Variants in SIPA1L3 observed in about 807,000 individuals in gnomAD.
SIPA1L3 encodes the protein signal induced proliferation associated 1 like 3.
A neutral mutation model predicts 150.1 loss-of-function variants in SIPA1L3; 59 were observed. The observed-to-expected ratio is 0.39, with a 90% CI of 0.32 to 0.49. The LOEUF (loss-of-function observed/expected upper bound fraction) is 0.49. Ranked by LOEUF, SIPA1L3 falls within the 20% of genes least tolerant of loss-of-function variation. The probability of loss-of-function intolerance (pLI) is 0.86; values close to 1 mark genes in which losing one functional copy is unlikely to be tolerated. For missense variants in SIPA1L3, 2,211 were observed against 2,489.5 expected, an observed-to-expected ratio of 0.89 and a Z score of 2.38; for synonymous variants, 1,070 against 1,077.6, an observed-to-expected ratio of 0.99 and a Z score of 0.14.
At position 38,131,341 on chromosome 19, in the gene SIPA1L3, G is replaced by A. The variant is rs984898038; in HGVS notation, c.3143+569G>A. ...ACAAGGCGGGCAGAGAAGGCTCCAC[G>A]AGGCTCCACAGGGAGGCAGCCATGT... is the stretch of plus-strand genomic sequence containing the variant. On this transcript the variant is annotated intron_variant, in intron 10 of 21. Coordinates refer to ENST00000222345, the MANE Select transcript of SIPA1L3 (RefSeq NM_015073.3). Among the ~76,000 whole-genome samples, 5 of 152,312 alleles carry A rather than the reference G, an allele frequency of 3.3e-5. No homozygotes were observed. The East Asian group carries it at 5.8e-4, about 18-fold the overall frequency.
intron 1 of SIPA1L3, among the ~76,000 whole-genome samples, chr19:37,943,553 G>A (rs961280930): frequency 1.3e-5 from 2 of 152,178 alleles, no homozygotes; most frequent in African/African-American, 4.8e-5. Context: ...GGCAGAAAAC[G>A]GGGACTTTCG....
intron 12 of SIPA1L3, among the ~76,000 whole-genome samples, chr19:38,150,427 A>G (rs1177070588): frequency 2.0e-5 from 3 of 151,918 alleles, no homozygotes; most frequent in African/African-American, 4.8e-5. Context: ...CCTCTTTGGC[A>G]TCTTGGGGGA....
chr19:37,945,563 T>C (rs910451839), intron 1 of SIPA1L3, among the ~76,000 whole-genome samples: 1 of 152,036 alleles, frequency 6.6e-6, no homozygotes, highest in African/African-American at 2.4e-5. Context: ...TATACATCTA[T>C]GTGAGTACCG....
chr19:38,072,015 A>C (rs1264237694), intron 2 of SIPA1L3, among the ~76,000 whole-genome samples: 1 of 152,178 alleles, frequency 6.6e-6, no homozygotes, highest in Admixed American at 6.5e-5. Context: ...GGAGCTGGAG[A>C]TGTTTTCCGC....
At chr19:38,040,425 G>T (rs1236173738) in intron 2 of SIPA1L3, among the ~76,000 whole-genome samples, 3 of 151,640 alleles carry the variant, frequency 2.0e-5, no homozygotes, top group Non-Finnish European at 4.4e-5. Flanking sequence ...TCACTGTTAG[G>T]TTTTTTTAAA....
At chr19:38,186,990 A>C (rs2146033915) in intron 16 of SIPA1L3, among the ~76,000 whole-genome samples, 1 of 146,082 alleles carries the variant, frequency 6.8e-6, no homozygotes, top group African/African-American at 2.6e-5. Flanking sequence ...CTGGGCAACA[A>C]GAGCTAAACT....
intron 1 of SIPA1L3, among the ~76,000 whole-genome samples, chr19:37,948,501 G>A (rs1217420464): frequency 6.6e-6 from 1 of 151,994 alleles, no homozygotes; most frequent in African/African-American, 2.4e-5. Context: ...AGAGTGGTTG[G>A]CACATAGTAA....
intron 2 of SIPA1L3, among the ~76,000 whole-genome samples, chr19:38,049,166 T>C (rs907663484): frequency 6.6e-6 from 1 of 152,038 alleles, no homozygotes; most frequent in Non-Finnish European, 1.5e-5. Context: ...AAAAAATGGG[T>C]GTCTCCTCCC....
chr19:37,955,459 C>T (rs2145562183), intron 1 of SIPA1L3, among the ~76,000 whole-genome samples: 1 of 152,140 alleles, frequency 6.6e-6, no homozygotes, highest in East Asian at 1.9e-4. Context: ...ATAACTATCA[C>T]CACAATCCAG....
At chr19:38,071,477 C>G (rs1424757371) in intron 2 of SIPA1L3, among the ~76,000 whole-genome samples, 1 of 152,072 alleles carries the variant, frequency 6.6e-6, no homozygotes, top group Non-Finnish European at 1.5e-5. Context: ...TTAGTGGACA[C>G]GGGGTTTTAC....
In SIPA1L3 at chr19:38,164,602, TC is replaced by T; in HGVS notation, c.3906del (p.Lys1303ArgfsTer190). On this transcript the variant is annotated frameshift_variant, in exon 15 of 22. Transcript: ENST00000222345. LOFTEE classifies it high-confidence loss of function. The surrounding 1 kb of genome is among the most constrained non-coding windows in gnomAD (Gnocchi z 4.1). The stretch of plus-strand genomic sequence containing the variant: ...CCTGGAGCCAGAGCAAGACCCCCTC[TC>T]CAAGGGTGGCTCTAGTGACAGCGGC... ...DPLEPEQDPL[S>X]KGGSSDSGID... 1 of 1,614,016 alleles carries T rather than the reference TC, an allele frequency of 6.2e-7. No individual in the cohort carries two copies. The highest frequency in any genetic ancestry group is 1.1e-5 in the South Asian group (1 of 91,070).
intron 15 of SIPA1L3, among the ~76,000 whole-genome samples, chr19:38,174,207 G>A (rs1213657441): frequency 2.6e-5 from 4 of 152,168 alleles, no homozygotes; most frequent in Non-Finnish European, 5.9e-5. Flanking sequence ...CTCTTGCCTA[G>A]ACCCTCTCTG....
intron 1 of SIPA1L3, among the ~76,000 whole-genome samples, chr19:37,957,718 A>G (rs1457895921): frequency 1.3e-5 from 2 of 151,572 alleles, no homozygotes; most frequent in African/African-American, 4.8e-5. Context: ...TTTTAATTTA[A>G]TTTAATTTAT....
intron 10 of SIPA1L3, among the ~76,000 whole-genome samples, chr19:38,139,004 T>A (rs574319347): frequency 6.6e-6 from 1 of 151,936 alleles, no homozygotes; most frequent in African/African-American, 2.4e-5. Flanking sequence ...AAGACCAGCC[T>A]GGGCAACATG....
chr19:38,043,424 C>G (rs1348481182), intron 2 of SIPA1L3, among the ~76,000 whole-genome samples: 1 of 152,162 alleles, frequency 6.6e-6, no homozygotes, highest in Non-Finnish European at 1.5e-5. Context: ...AGCAGATCCA[C>G]AGTCCCAGGT....
chr19:38,100,452 T>G (rs1380890639), intron 5 of SIPA1L3, among the ~76,000 whole-genome samples: 1 of 152,136 alleles, frequency 6.6e-6, no homozygotes, highest in Non-Finnish European at 1.5e-5. Context: ...CCGCTCCACA[T>G]GCTGGCTCCC....
chr19:38,196,122 G>A (rs1198613512), intron 18 of SIPA1L3, among the ~76,000 whole-genome samples: 2 of 152,048 alleles, frequency 1.3e-5, no homozygotes, highest in East Asian at 1.9e-4. Context: ...AGCCCTTCCC[G>A]GGCCCCATCC....
intron 3 of SIPA1L3, among the ~76,000 whole-genome samples, chr19:38,085,719 C>A (rs559754890): frequency 6.6e-6 from 1 of 152,318 alleles, no homozygotes; most frequent in Admixed American, 6.5e-5. Flanking sequence ...GCTGGCTGAG[C>A]GCATTGGCTC....
chr19:38,091,079 G>A (rs1373044032), intron 4 of SIPA1L3, among the ~76,000 whole-genome samples: 2 of 152,108 alleles, frequency 1.3e-5, no homozygotes, highest in Non-Finnish European at 2.9e-5. Context: ...GTGAAATGAC[G>A]CCTACAGTCA....
Sources: allele counts gnomAD v4.1 joint callset (sites outside exome capture counted in the v4.1 genomes callset), GRCh38; gene constraint gnomAD v4.1.1; non-coding constraint Gnocchi (gnomAD v3.1); transcripts MANE v1.5; gene names NCBI Gene and HGNC (gene_info 2026-07-23, HGNC 2026-07-21).